UTRN: variants seen among roughly 807,000 people sequenced by gnomAD.
UTRN encodes the protein utrophin, also known as dystrophin-related protein 1.
Under a neutral mutation model 463.9 loss-of-function variants are expected in UTRN, and 283 were observed. The observed-to-expected ratio is 0.61, with a 90% CI of 0.55 to 0.67. The LOEUF is 0.67. Among genes scored for constraint, UTRN ranks in the 30% least tolerant of loss-of-function variants. UTRN has a pLI of 0.00. For missense variants in UTRN, 3,922 were observed against 4,084.3 expected (o/e 0.96, Z 1.08); for synonymous variants, 1,442 against 1,431.5 (o/e 1.01, Z -0.17).
intron 45 of UTRN, among the ~76,000 whole-genome samples, chr6:144,540,639 A>G (rs75230036): frequency 1.3e-5 from 2 of 152,192 alleles, no homozygotes; most frequent in African/African-American, 4.8e-5. Flanking sequence ...TCTGTGCCTT[A>G]ATATACATCT....
chr6:144,539,122 C>T (rs1000461652), intron 44 of UTRN, among the ~76,000 whole-genome samples, 172 bp from the exon 45 acceptor site: 73 of 152,330 alleles, frequency 4.8e-4, no homozygotes, highest in Non-Finnish European at 7.6e-4. Context: ...TGCTCACTCC[C>T]TTCCTAGTTA....
At chr6:144,308,694 C>A (rs368228535) in intron 2 of UTRN, among the ~76,000 whole-genome samples, 34 of 152,280 alleles carry the variant, frequency 2.2e-4, no homozygotes, top group African/African-American at 7.5e-4. Context: ...CCCAAGGCCA[C>A]CCTAACCGTG....
intron 33 of UTRN, among the ~76,000 whole-genome samples, chr6:144,497,682 CAA>C (rs111981536): frequency 2.3e-5 from 3 of 127,688 alleles, no homozygotes; most frequent in Non-Finnish European, 3.4e-5. Flanking sequence ...AACTCTGTCT[CAA>C]AAAAAAAAAA....
chr6:144,672,996 A>G (rs1354621481), intron 51 of UTRN, among the ~76,000 whole-genome samples: 1 of 152,052 alleles, frequency 6.6e-6, no homozygotes, highest in African/African-American at 2.4e-5. Flanking sequence ...TTCCTTTTGG[A>G]ATTAATTCAC....
At chr6:144,774,492 A>G (rs1361414245) in intron 60 of UTRN, 128 bp downstream of exon 60, 12 of 781,710 alleles carry the variant, frequency 1.5e-5, no homozygotes, top group African/African-American at 3.6e-5. Context: ...ACCTCACTCA[A>G]GGAGTTGGTT....
At chr6:144,584,065 A>T (rs920181883) in intron 51 of UTRN, among the ~76,000 whole-genome samples, 5 of 152,306 alleles carry the variant, frequency 3.3e-5, no homozygotes, top group East Asian at 1.9e-4. Flanking sequence ...AAGACATTTT[A>T]AAAAAATGAT....
intron 2 of UTRN, among the ~76,000 whole-genome samples, chr6:144,390,781 A>G (rs57580585): frequency 0.079 from 12,051 of 152,194 alleles, 1,594 homozygotes; most frequent in African/African-American, 0.27. Context: ...ATATTTGTCT[A>G]TGAATTTATG....
intron 51 of UTRN, among the ~76,000 whole-genome samples, chr6:144,656,358 A>G (rs1242804092): frequency 6.6e-6 from 1 of 152,240 alleles, no homozygotes; most frequent in African/African-American, 2.4e-5. Context: ...AAAGGACTGT[A>G]GAAATGTAGG....
intron 58 of UTRN, 74 bp from the exon 59 acceptor site, chr6:144,771,833 G>T (rs1395022877): frequency 9.4e-6 from 11 of 1,171,988 alleles, no homozygotes; most frequent in African/African-American, 7.8e-5. Flanking sequence ...TTTCTACTTG[G>T]GTATTTCGTT....
chr6:144,460,661 G>A (rs1452410258), intron 21 of UTRN, among the ~76,000 whole-genome samples: 2 of 152,128 alleles, frequency 1.3e-5, no homozygotes, highest in African/African-American at 2.4e-5. Flanking sequence ...TCCTTTCCAC[G>A]CAAGTGTTAC....
intron 2 of UTRN, among the ~76,000 whole-genome samples, chr6:144,308,589 G>A (rs1208056799): frequency 2.0e-5 from 3 of 152,024 alleles, no homozygotes; most frequent in South Asian, 2.1e-4. Context: ...CACCATGCCC[G>A]GCTGACTTTG....
chr6:144,653,231 G>A (rs1440239467), intron 51 of UTRN, among the ~76,000 whole-genome samples: 1 of 151,778 alleles, frequency 6.6e-6, no homozygotes, highest in Admixed American at 6.6e-5. Flanking sequence ...CCCCTTTTTG[G>A]CGTATACATA....
chr6:144,435,669 C>T (rs942626586), intron 9 of UTRN, among the ~76,000 whole-genome samples: 1 of 152,166 alleles, frequency 6.6e-6, no homozygotes, highest in Non-Finnish European at 1.5e-5. Flanking sequence ...AGAAGTGATT[C>T]ATGTGGGTTC....
chr6:144,472,873 T>C (rs1269386556), intron 23 of UTRN, among the ~76,000 whole-genome samples: 1 of 151,954 alleles, frequency 6.6e-6, no homozygotes, highest in Non-Finnish European at 1.5e-5. Context: ...TTTCAAGCTA[T>C]TCTCCTGCCT....
intron 22 of UTRN, among the ~76,000 whole-genome samples, chr6:144,462,310 A>G (rs1190410549): frequency 2.0e-5 from 3 of 152,188 alleles, no homozygotes; most frequent in Non-Finnish European, 4.4e-5. Context: ...GTAGTCTATC[A>G]TTGATGGGCA....
In UTRN at chr6:144,717,308, G is replaced by A. The variant is rs543118671; in HGVS notation, c.7810-13049G>A. Reference sequence around the variant, plus strand: ...AGAGGAAGAGGAGAACTGGTTTGATGTTTGGGTTAGTCATGCCTAGAAGGA... The same window carrying A: ...AGAGGAAGAGGAGAACTGGTTTGATATTTGGGTTAGTCATGCCTAGAAGGA... On this transcript the variant is annotated intron_variant, in intron 53 of 74. Coordinates refer to ENST00000367545, the MANE Select transcript of UTRN (RefSeq NM_007124.3). Among the ~76,000 whole-genome samples, 3 of 152,336 alleles carry A rather than the reference G, an allele frequency of 2.0e-5. No homozygotes were observed. In the South Asian group the frequency reaches 6.2e-4, roughly 32 times the overall value.
intron 51 of UTRN, among the ~76,000 whole-genome samples, chr6:144,634,551 T>C (rs1236157626): frequency 6.6e-6 from 1 of 152,210 alleles, no homozygotes; most frequent in Non-Finnish European, 1.5e-5. Context: ...TGTTTTTTAT[T>C]TTGTAAAAGC....
chr6:144,468,520 A>G (rs910062281), intron 23 of UTRN, among the ~76,000 whole-genome samples: 1 of 152,010 alleles, frequency 6.6e-6, no homozygotes, highest in African/African-American at 2.4e-5. Context: ...AAATAATGAC[A>G]TTTGCTTTAG....
intron 51 of UTRN, among the ~76,000 whole-genome samples, chr6:144,636,153 T>G (rs192967370): frequency 1.3e-5 from 2 of 152,292 alleles, no homozygotes; most frequent in Admixed American, 6.5e-5. Flanking sequence ...TGTTTCATAC[T>G]TTCTTATGCT....
Sources: allele counts gnomAD v4.1 joint callset (sites outside exome capture counted in the v4.1 genomes callset), GRCh38; gene constraint gnomAD v4.1.1; transcripts MANE v1.5; gene names NCBI Gene and HGNC (gene_info 2026-07-23, HGNC 2026-07-21).